Variants in NFIB observed in about 807,000 individuals in gnomAD.
NFIB encodes nuclear factor 1 B-type.
A neutral mutation model predicts 61.5 loss-of-function variants in NFIB; 11 were observed. That is an observed-to-expected ratio of 0.18 (90% CI 0.11 to 0.30). The LOEUF (loss-of-function observed/expected upper bound fraction) is 0.30, where lower values mean the gene tolerates loss of function less well. Ranked by LOEUF, NFIB falls within the 10% of genes least tolerant of loss-of-function variation. The pLI is 1.00. For missense variants in NFIB, 471 were observed against 608.9 expected (o/e 0.77, Z 2.38); for synonymous variants, 260 against 216.5 (o/e 1.20, Z -1.76).
chr9:14,496,505 T>C, the NFIB span, among the ~76,000 whole-genome samples: 1 of 152,182 alleles, frequency 6.6e-6, no homozygotes, highest in Non-Finnish European at 1.5e-5. Context: ...TGGGTGGCTT[T>C]GGTTGCCTTC....
chr9:14,519,065 C>A, the NFIB span, among the ~76,000 whole-genome samples: 1 of 152,152 alleles, frequency 6.6e-6, no homozygotes, highest in Non-Finnish European at 1.5e-5. Context: ...TGCTAATGAA[C>A]AGCTCATTTT....
At chr9:14,440,272 C>T in the NFIB span, among the ~76,000 whole-genome samples, 2 of 152,194 alleles carry the variant, frequency 1.3e-5, no homozygotes, top group African/African-American at 2.4e-5. Context: ...GGACAGAGCA[C>T]ACGCTGACTA....
intron 1 of NFIB, among the ~76,000 whole-genome samples, chr9:14,383,260 T>G (rs192901735): frequency 6.6e-6 from 1 of 152,206 alleles, no homozygotes; most frequent in Non-Finnish European, 1.5e-5. Flanking sequence ...AGTTATTGAG[T>G]AACTCTCAAA....
chr9:14,096,884 C>A (rs956014583), intron 10 of NFIB, among the ~76,000 whole-genome samples: 1 of 152,150 alleles, frequency 6.6e-6, no homozygotes, highest in Admixed American at 6.5e-5. Flanking sequence ...TGTGGGATGG[C>A]AGCATGCAAG....
At chr9:14,292,017 A>T (rs2059135289) in intron 2 of NFIB, among the ~76,000 whole-genome samples, 1 of 152,192 alleles carries the variant, frequency 6.6e-6, no homozygotes, top group East Asian at 1.9e-4. Context: ...TTCCTATGAA[A>T]ATGTATAAAA....
chr9:14,470,939 G>T, the NFIB span, among the ~76,000 whole-genome samples: 1 of 152,156 alleles, frequency 6.6e-6, no homozygotes, highest in Non-Finnish European at 1.5e-5. Flanking sequence ...AGATAAAAAG[G>T]AAACAGAAAT....
chr9:14,203,734 G>A (rs1199654662), intron 2 of NFIB, among the ~76,000 whole-genome samples: 2 of 152,188 alleles, frequency 1.3e-5, no homozygotes, highest in South Asian at 2.1e-4. Flanking sequence ...TCATAAATAA[G>A]ACTTGGTACC....
chr9:14,412,928 C>T, the NFIB span, among the ~76,000 whole-genome samples: 33 of 152,240 alleles, frequency 2.2e-4, no homozygotes, highest in African/African-American at 7.2e-4. Flanking sequence ...CTAGGAAGGG[C>T]GCCTCCACTT....
intron 2 of NFIB, among the ~76,000 whole-genome samples, chr9:14,256,142 T>C (rs1157071025): frequency 6.6e-6 from 1 of 152,216 alleles, no homozygotes; most frequent in East Asian, 1.9e-4. Flanking sequence ...TGACCCACTT[T>C]TTCTAGAAGC....
intron 1 of NFIB, chr9:14,322,254 A>T (rs1278395638): frequency 5.4e-6 from 3 of 558,154 alleles, no homozygotes; most frequent in Non-Finnish European, 7.7e-6. Flanking sequence ...TCTCCCTTGC[A>T]GAAGGCTGTT....
chr9:14,089,691 T>C (rs1310890133), intron 10 of NFIB, among the ~76,000 whole-genome samples: 1 of 149,840 alleles, frequency 6.7e-6, no homozygotes. Flanking sequence ...TGCTTTACTT[T>C]TGAAACCATG....
At chr9:14,110,536 CATT>C (rs1378807507) in intron 10 of NFIB, among the ~76,000 whole-genome samples, 5 of 151,996 alleles carry the variant, frequency 3.3e-5, no homozygotes, top group African/African-American at 9.7e-5. Flanking sequence ...TTTCATTCAT[CATT>C]GAGTGCTTTA....
chr9:14,420,278 C>G, the NFIB span, among the ~76,000 whole-genome samples: 2 of 151,758 alleles, frequency 1.3e-5, no homozygotes, highest in Admixed American at 1.3e-4. Flanking sequence ...GAAACCTCAT[C>G]TCTACTAAAA....
At chr9:14,234,860 C>A (rs1359934462) in intron 2 of NFIB, among the ~76,000 whole-genome samples, 13 of 147,268 alleles carry the variant, frequency 8.8e-5, no homozygotes, top group African/African-American at 3.0e-4. Flanking sequence ...AAAACCAGAT[C>A]CAAGAGGATC....
At chr9:14,406,842 T>C in the NFIB span, among the ~76,000 whole-genome samples, 1 of 152,232 alleles carries the variant, frequency 6.6e-6, no homozygotes, top group Non-Finnish European at 1.5e-5. Context: ...ATTTGTGGTC[T>C]TGTCAGTTTG....
At chr9:14,314,749 C>G (rs2060461096), upstream of NFIB, among the ~76,000 whole-genome samples, 1 of 145,772 alleles carries the variant, frequency 6.9e-6, no homozygotes, top group Non-Finnish European at 1.5e-5. Flanking sequence ...CCACCTCTCC[C>G]TCATTTGTTA....
intron 2 of NFIB, among the ~76,000 whole-genome samples, chr9:14,213,417 C>T (rs1395110622): frequency 1.3e-5 from 2 of 152,218 alleles, no homozygotes; most frequent in Non-Finnish European, 2.9e-5. Context: ...GGTTCTTAAG[C>T]TTTAACATGC....
intron 7 of NFIB, among the ~76,000 whole-genome samples, 167 bp downstream of exon 7, chr9:14,125,465 C>G (rs938684933): frequency 2.0e-5 from 3 of 152,184 alleles, no homozygotes; most frequent in African/African-American, 4.8e-5. Flanking sequence ...GAAATCTTTT[C>G]TCATAAATTG....
rs942513199 is a variant in NFIB at position 14,344,270 on chromosome 9, G to C, written c.109-36750C>G. ...CACAGAGAGAAAGACAGAAAGGGCC[G>C]AGAGAGGGGGGTGATGGGGGTGCGA... On this transcript the variant is annotated intron_variant, in intron 1 of 8. Transcript: ENST00000380934. Among the ~76,000 whole-genome samples the C allele has an allele frequency of 2.0e-5, 3 of 152,110 alleles. No individual in the cohort carries two copies. In the East Asian group the frequency reaches 5.8e-4, roughly 29 times the overall value.
Sources: gnomAD v4.1 joint callset for allele counts (sites outside exome capture counted in the v4.1 genomes callset) on GRCh38, gnomAD v4.1.1 for gene constraint, MANE v1.5 for transcripts, NCBI Gene and HGNC (gene_info 2026-07-23, HGNC 2026-07-21) for gene names.